Variants in PLCB4 observed in about 807,000 individuals in gnomAD.
PLCB4 encodes the protein phospholipase C beta 4, also known as 1-phosphatidylinositol 4,5-bisphosphate phosphodiesterase beta-4.
Under a neutral mutation model 178.8 loss-of-function variants are expected in PLCB4, and 77 were observed. The observed-to-expected ratio is 0.43, with a 90% CI of 0.36 to 0.52. PLCB4 has a LOEUF of 0.52. Among genes scored for constraint, PLCB4 ranks in the 20% least tolerant of loss-of-function variants. The probability of loss-of-function intolerance (pLI) is 0.00; values close to 1 mark genes in which losing one functional copy is unlikely to be tolerated. For synonymous variants in PLCB4, 496 were observed against 490.8 expected (o/e 1.01, Z -0.14); for missense variants, 1,024 against 1,453.4 (o/e 0.70, Z 4.80).
chr20:9,156,829 C>A (rs1424139170), intron 2 of PLCB4, among the ~76,000 whole-genome samples: 1 of 111,486 alleles, frequency 9.0e-6, no homozygotes, highest in Non-Finnish European at 1.9e-5. Flanking sequence ...GCCTCCCTCC[C>A]TCCCTCCCTC....
intron 32 of PLCB4, among the ~76,000 whole-genome samples, chr20:9,452,094 C>T (rs1226600396): frequency 6.6e-6 from 1 of 151,804 alleles, no homozygotes; most frequent in Non-Finnish European, 1.5e-5. Flanking sequence ...CCCTTCTCCA[C>T]TCCTTCTCCT....
chr20:9,313,693 AG>A (rs977262396), intron 4 of PLCB4, among the ~76,000 whole-genome samples: 9 of 152,224 alleles, frequency 5.9e-5, no homozygotes, highest in Non-Finnish European at 1.0e-4. Context: ...CATATGGAAC[AG>A]AAACCTGTTG....
intron 3 of PLCB4, among the ~76,000 whole-genome samples, chr20:9,248,887 A>G (rs1235033400): frequency 2.0e-5 from 3 of 152,198 alleles, no homozygotes; most frequent in Non-Finnish European, 4.4e-5. Flanking sequence ...CAGAAGTCCA[A>G]AATCACTGGG....
rs1461264001 is a variant in PLCB4 at position 9,334,319 on chromosome 20, G to T, written c.85-2807G>T. Among the ~76,000 whole-genome samples the T allele has an allele frequency of 2.0e-5, 3 of 152,086 alleles. No individual in the cohort carries two copies. In the East Asian group the frequency reaches 5.8e-4, roughly 29 times the overall value. On this transcript the variant is annotated intron_variant, in intron 4 of 39. Coordinates refer to ENST00000378473, the MANE Select transcript of PLCB4 (RefSeq NM_001377142.1). ...ACTGGCCAGAGAAGTTTTAGAGGGT[G>T]ATAGAAATGGAAGCCAGATAGAGTT...
chr20:9,329,059 C>T (rs1338287088), intron 4 of PLCB4, among the ~76,000 whole-genome samples: 1 of 152,202 alleles, frequency 6.6e-6, no homozygotes, highest in Non-Finnish European at 1.5e-5. Context: ...TTTTATTATG[C>T]AGATGGTTAT....
chr20:9,321,866 T>TCATG (rs1466056411), intron 4 of PLCB4, among the ~76,000 whole-genome samples: 3 of 152,010 alleles, frequency 2.0e-5, no homozygotes, highest in African/African-American at 7.2e-5. Context: ...ACTTTTGACC[T>TCATG]CATGATCTGC....
intron 3 of PLCB4, among the ~76,000 whole-genome samples, chr20:9,271,232 G>T (rs2094399413): frequency 6.6e-6 from 1 of 152,128 alleles, no homozygotes; most frequent in South Asian, 2.1e-4. Context: ...GCAGGACCCT[G>T]ACAGTGCTAA....
At chr20:9,442,735 T>C (rs1353113070) in intron 30 of PLCB4, among the ~76,000 whole-genome samples, 1 of 152,148 alleles carries the variant, frequency 6.6e-6, no homozygotes, top group Non-Finnish European at 1.5e-5. Context: ...AGAGACAGCT[T>C]GTGAAAGCCA....
At chr20:9,292,830 G>A (rs1273160239) in intron 3 of PLCB4, among the ~76,000 whole-genome samples, 1 of 152,178 alleles carries the variant, frequency 6.6e-6, no homozygotes, top group Non-Finnish European at 1.5e-5. Context: ...TGTAATCTCA[G>A]CACTTTGGAA....
intron 39 of PLCB4, among the ~76,000 whole-genome samples, chr20:9,478,391 C>T (rs2044694168): frequency 6.6e-6 from 1 of 152,164 alleles, no homozygotes. Context: ...AAGACTCCAG[C>T]CAATCCAATG....
At chr20:9,068,754 C>CG (rs1280205746), upstream of PLCB4, 1 of 144,998 alleles carries the variant, frequency 6.9e-6, no homozygotes. Flanking sequence ...GAGGGAGGCT[C>CG]GGGGGCAGGG....
intron 2 of PLCB4, among the ~76,000 whole-genome samples, chr20:9,191,389 G>A (rs2093402250): frequency 7.3e-6 from 1 of 137,846 alleles, no homozygotes; most frequent in Admixed American, 7.6e-5. Flanking sequence ...CCACCGTGTA[G>A]GGACACAGTG....
At chr20:9,439,900 ATAAG>A (rs1225657267) in intron 30 of PLCB4, among the ~76,000 whole-genome samples, 2 of 152,248 alleles carry the variant, frequency 1.3e-5, no homozygotes, top group Non-Finnish European at 2.9e-5. Context: ...AGTAATTTAA[ATAAG>A]TAAGCATCTA....
At chr20:9,267,303 T>A (rs1159192527) in intron 3 of PLCB4, among the ~76,000 whole-genome samples, 1 of 152,176 alleles carries the variant, frequency 6.6e-6, no homozygotes, top group Non-Finnish European at 1.5e-5. Flanking sequence ...CTTTATGACT[T>A]ATCTATAAGC....
At chr20:9,471,155 A>G (rs183154471) in intron 36 of PLCB4, among the ~76,000 whole-genome samples, 1 of 152,332 alleles carries the variant, frequency 6.6e-6, no homozygotes, top group East Asian at 1.9e-4. Flanking sequence ...AGTTAAAGTG[A>G]TATTTGGAGG....
chr20:9,393,712 T>G, intron 18 of PLCB4, 34 bp downstream of exon 18: 1 of 1,267,298 alleles, frequency 7.9e-7, no homozygotes, highest in Non-Finnish European at 1.2e-6. Flanking sequence ...AATGGAAGCA[T>G]ACATAACATG....
chr20:9,220,189 C>T (rs1399156971), intron 3 of PLCB4, among the ~76,000 whole-genome samples: 1 of 152,118 alleles, frequency 6.6e-6, no homozygotes, highest in Admixed American at 6.6e-5. Flanking sequence ...TAGTTTAGTC[C>T]AATCAAAAAC....
intron 31 of PLCB4, 40 bp from the exon 32 acceptor site, chr20:9,444,138 A>G (rs747045637): frequency 6.6e-7 from 1 of 1,522,812 alleles, no homozygotes; most frequent in Non-Finnish European, 9.0e-7. Flanking sequence ...CAAAAAGAAA[A>G]AACAAAAAAC....
chr20:9,098,879 G>C (rs1477973393), intron 2 of PLCB4, among the ~76,000 whole-genome samples: 7 of 149,408 alleles, frequency 4.7e-5, no homozygotes, highest in Non-Finnish European at 1.5e-5. Context: ...CGCAGTTGAG[G>C]AGCCTTTTCA....
Sources: allele counts gnomAD v4.1 joint callset (sites outside exome capture counted in the v4.1 genomes callset), GRCh38; gene constraint gnomAD v4.1.1; transcripts MANE v1.5; gene names NCBI Gene and HGNC (gene_info 2026-07-23, HGNC 2026-07-21).